The following NLRC5 variants were observed in gnomAD, a reference collection of about 807,000 sequenced individuals.
The protein encoded by NLRC5 is NLR family CARD domain containing 5, also known as protein NLRC5.
Under a neutral mutation model 206.9 loss-of-function variants are expected in NLRC5, and 114 were observed. The observed-to-expected ratio is 0.55, with a 90% CI of 0.47 to 0.64. The LOEUF (loss-of-function observed/expected upper bound fraction) is 0.64, where lower values mean the gene tolerates loss of function less well. Ranked by LOEUF, NLRC5 falls within the 30% of genes least tolerant of loss-of-function variation. The pLI, the probability that NLRC5 is intolerant of heterozygous loss-of-function variation, is 0.00. For synonymous variants in NLRC5, 952 were observed against 962.8 expected, an observed-to-expected ratio of 0.99 and a Z score of 0.21; for missense variants, 2,008 against 2,305.5, an observed-to-expected ratio of 0.87 and a Z score of 2.64.
In NLRC5 at chr16:57,079,272, C is replaced by T. The variant is rs2068824490; in HGVS notation, c.5217C>T (p.Leu1739=). The T allele has an allele frequency of 6.2e-7, 1 of 1,613,456 alleles. No homozygotes were observed. Among genetic ancestry groups the T allele is most frequent in the Non-Finnish European group, 8.5e-7 (1 of 1,180,012 alleles). The part of the protein sequence containing the change: ...AGGVLRFCME[L]PLLRQIDLVS... ...GGGTCCTGCGTTTCTGTATGGAGCT[C>T]CCGCTGCTCAGACAGATAGAGTAAG... Residue 1739 remains leucine (L), a synonymous_variant, in exon 45 of 49, where the codon CTC becomes CTT. Coordinates refer to ENST00000688547, the MANE Select transcript of NLRC5 (RefSeq NM_001384950.1).
intron 1 of NLRC5, among the ~76,000 whole-genome samples, chr16:57,012,024 A>T (rs2059561125): frequency 6.6e-6 from 1 of 152,180 alleles, no homozygotes; most frequent in Admixed American, 6.5e-5. Context: ...TACTGCCATA[A>T]TATTCCTCAA....
intron 2 of NLRC5, among the ~76,000 whole-genome samples, chr16:57,017,446 G>T (rs2060208952): frequency 6.6e-6 from 1 of 152,204 alleles, no homozygotes; most frequent in South Asian, 2.1e-4. Context: ...AAAAAGGCTT[G>T]CTCAAGGTCA....
chr16:57,070,381 C>T (rs554456878), intron 37 of NLRC5, among the ~76,000 whole-genome samples, 154 bp from the exon 38 acceptor site: 1 of 152,206 alleles, frequency 6.6e-6, no homozygotes, highest in South Asian at 2.1e-4. Flanking sequence ...CTAGGGATAC[C>T]CATGGGGAAC....
At position 57,077,288 on chromosome 16, in the gene NLRC5, C is replaced by T. The variant is rs376802882; in HGVS notation, c.4836-8C>T. 1.5e-5 allele frequency: 24 copies of T among 1,613,344 alleles called. No homozygotes were observed. Among genetic ancestry groups the T allele is most frequent in the Non-Finnish European group, 2.0e-5 (24 of 1,179,480 alleles). On this transcript the variant is annotated splice_region_variant and splice_polypyrimidine_tract_variant and intron_variant, in intron 40 of 48. Transcript: ENST00000688547. ...CAGAAGGCTGATGAAGCTGTTTTCT[C>T]CCCCAAGCTTGAGCCACAACCAGAT... is the stretch of plus-strand genomic sequence containing the variant.
At chr16:57,048,970 G>A (rs1326756739) in intron 23 of NLRC5, among the ~76,000 whole-genome samples, 1 of 152,150 alleles carries the variant, frequency 6.6e-6, no homozygotes, top group African/African-American at 2.4e-5. Flanking sequence ...CGAGCTGCAA[G>A]TTACTCCACC....
chr16:56,993,586 G>A (rs1258523576), intron 1 of NLRC5, among the ~76,000 whole-genome samples: 1 of 152,174 alleles, frequency 6.6e-6, no homozygotes, highest in African/African-American at 2.4e-5. Context: ...GCTCCCACCA[G>A]CTGGAGGGGG....
Position 57,026,024 on chromosome 16 carries a change from A to G in NLRC5, c.1081A>G (p.Met361Val), listed in dbSNP as rs2061241338. Residue 361 changes from methionine to valine, a missense_variant, in exon 6 of 49, where the codon ATG becomes GTG. Met to Val is a conservative substitution (Grantham distance 21). Transcript: ENST00000688547. The part of the protein sequence containing the change: ...LPACLPAEAA[M>V]VHMLGFDGPR... ...TGCCTGCCTGCCTGCAGAGGCAGCC[A>G]TGGTCCACATGTTGGGCTTTGATGG... The G allele has an allele frequency of 5.0e-6, 8 of 1,613,878 alleles. No individual in the cohort carries two copies. The highest frequency in any genetic ancestry group is 1.3e-5 in the African/African-American group (1 of 74,934).
chr16:57,066,417 G>C (rs903808436), intron 33 of NLRC5, 117 bp from the exon 34 acceptor site: 2 of 814,908 alleles, frequency 2.5e-6, no homozygotes, highest in Non-Finnish European at 4.1e-6. Context: ...CCCTGGCAGG[G>C]GAGAAGGGGA....
chr16:57,030,408 A>AAAAGATGGATGGG (rs1567563814), intron 10 of NLRC5, among the ~76,000 whole-genome samples: 1 of 121,494 alleles, frequency 8.2e-6, no homozygotes, highest in Non-Finnish European at 1.8e-5. Context: ...GGATGGATGG[A>AAAAGATGGATGGG]TGGCTGAAAA....
chr16:57,008,812 G>A (rs955213570), intron 1 of NLRC5, among the ~76,000 whole-genome samples: 5 of 152,074 alleles, frequency 3.3e-5, no homozygotes, highest in Non-Finnish European at 7.4e-5. Context: ...CACTAAATCA[G>A]AGGAAAGAAA....
intron 1 of NLRC5, among the ~76,000 whole-genome samples, chr16:57,015,229 T>C (rs1292346239): frequency 2.0e-5 from 3 of 152,166 alleles, no homozygotes; most frequent in Non-Finnish European, 4.4e-5. Context: ...GCACCCGGCC[T>C]CCAGCCTCTT....
chr16:57,031,999 C>T (rs189109092), intron 11 of NLRC5, among the ~76,000 whole-genome samples: 3 of 151,896 alleles, frequency 2.0e-5, no homozygotes, highest in Admixed American at 2.0e-4. Context: ...CCCAACTGTG[C>T]TCTACCACAC....
Position 57,082,748 on chromosome 16 carries a change from A to G in NLRC5, c.*220A>G. 1 of 480,720 alleles carries G rather than the reference A, an allele frequency of 2.1e-6. No individual in the cohort carries two copies. Among genetic ancestry groups the G allele is most frequent in the South Asian group, 3.6e-5 (1 of 27,992 alleles). 29.8% of individuals were successfully genotyped at this position (480,720 alleles called of 1,614,324 possible). ...AAAGGAGTACCCTGCATTACGTGGG[A>G]TATGTGTGATCAATTGGGGACATGC... On this transcript the variant is annotated 3_prime_UTR_variant, in exon 49 of 49. Transcript: ENST00000688547.
In NLRC5 at chr16:57,017,178, G is replaced by A. The variant is rs2060181520; in HGVS notation, c.-23G>A. ...GGACCCTAGAGCACCTATCATGAAC[G>A]AGGAGACCAAGTAGGTGATTTTTCT... is the stretch of plus-strand genomic sequence containing the variant. On this transcript the variant is annotated 5_prime_UTR_variant, in exon 2 of 49. Coordinates refer to ENST00000688547, the MANE Select transcript of NLRC5 (RefSeq NM_001384950.1). 1 of 152,656 alleles carries A rather than the reference G, an allele frequency of 6.6e-6. No individual in the cohort carries two copies. The highest frequency in any genetic ancestry group is 2.4e-5 in the African/African-American group (1 of 41,398). The allele number at this position is 152,656 out of a possible 1,614,324, so 9.5% of individuals were successfully genotyped here. A position where few individuals can be genotyped will look rare whatever the true frequency, so the allele number is the denominator to read the frequency against.
intron 1 of NLRC5, among the ~76,000 whole-genome samples, chr16:56,997,617 C>G (rs1431537550): frequency 3.9e-5 from 6 of 152,120 alleles, no homozygotes; most frequent in African/African-American, 1.2e-4. Context: ...CACAGTCACC[C>G]AGGCTGGAGT....
At chr16:57,031,520 G>C in intron 11 of NLRC5, 57 bp downstream of exon 11, 1 of 1,547,338 alleles carries the variant, frequency 6.5e-7, no homozygotes, top group Non-Finnish European at 8.9e-7. Context: ...CTTGGGCTCA[G>C]GCAGTTGAGG....
chr16:57,036,083 TG>T lies in NLRC5; in HGVS notation c.2628-14del. The T allele has an allele frequency of 3.8e-6, 6 of 1,570,942 alleles. No homozygotes were observed. The highest frequency in any genetic ancestry group is 5.2e-6 in the Non-Finnish European group (6 of 1,163,304). Reference sequence around the variant, plus strand: ...ACTCCAGCCCCACAATACAGTGCATTGGGCCCCCCGTCTCAGCCTCTCAGGG... The same window carrying T: ...ACTCCAGCCCCACAATACAGTGCATTGGCCCCCCGTCTCAGCCTCTCAGGG... On this transcript the variant is annotated splice_polypyrimidine_tract_variant and intron_variant, in intron 13 of 48. Coordinates refer to ENST00000688547, the MANE Select transcript of NLRC5 (RefSeq NM_001384950.1).
Position 56,997,557 on chromosome 16 carries a change from CT to C in NLRC5, c.-128+7946del, listed in dbSNP as rs148305877. ...CCCAGCCCTCCTGACCCCAGAGGATCTTTTTTCAAAAATTATGTTCTTTTAT... is the reference window on the plus strand; with the variant it reads ...CCCAGCCCTCCTGACCCCAGAGGATCTTTTTCAAAAATTATGTTCTTTTAT... On this transcript the variant is annotated intron_variant, in intron 1 of 48. Coordinates refer to ENST00000688547, the MANE Select transcript of NLRC5 (RefSeq NM_001384950.1). Among the ~76,000 whole-genome samples the C allele has an allele frequency of 6.5e-3, 997 of 152,218 alleles. 7 individuals are homozygous for C. Among genetic ancestry groups the C allele is most frequent in the African/African-American group, 0.022 (931 of 41,534 alleles).
Position 57,046,589 on chromosome 16 carries a change from G to C in NLRC5, c.3286G>C (p.Ala1096Pro). Residue 1096 changes from alanine (A) to proline (P), a missense_variant, in exon 22 of 49, where the codon GCT (alanine) becomes CCT (proline). Coordinates refer to ENST00000688547, the MANE Select transcript of NLRC5 (RefSeq NM_001384950.1). The stretch of plus-strand genomic sequence containing the variant: ...CACTGGATCTTTGCCAGACTTCCCA[G>C]CTGCAGCCAAGTTCTTAGGGTTCCG... ...WATGSLPDFPAAAKFLGFRQR... is the reference protein window; with the variant it reads ...WATGSLPDFPPAAKFLGFRQR... 6.2e-7 allele frequency: 1 copy of C among 1,614,010 alleles called. No individual in the cohort carries two copies. Among genetic ancestry groups the C allele is most frequent in the East Asian group, 2.2e-5 (1 of 44,882 alleles).
Sources: gnomAD v4.1 joint callset for allele counts (sites outside exome capture counted in the v4.1 genomes callset) on GRCh38, gnomAD v4.1.1 for gene constraint, MANE v1.5 for transcripts, NCBI Gene and HGNC (gene_info 2026-07-23, HGNC 2026-07-21) for gene names.